MDGA2: variants seen among roughly 807,000 people sequenced by gnomAD.
The protein encoded by MDGA2 is MAM domain containing glycosylphosphatidylinositol anchor 2.
In MDGA2, 40 loss-of-function variants were observed where a neutral mutation model predicts 117.8. That is an observed-to-expected ratio of 0.34 (90% CI 0.26 to 0.44). The LOEUF (loss-of-function observed/expected upper bound fraction) is 0.44, where lower values mean the gene tolerates loss of function less well. Among genes scored for constraint, MDGA2 ranks in the 20% least tolerant of loss-of-function variants. The pLI is 1.00. For missense variants in MDGA2, 1,123 were observed against 1,250.6 expected (o/e 0.90, Z 1.54); for synonymous variants, 452 against 439.0 (o/e 1.03, Z -0.37).
intron 8 of MDGA2, among the ~76,000 whole-genome samples, chr14:46,983,250 G>A (rs1034520089): frequency 3.9e-5 from 6 of 152,026 alleles, no homozygotes; most frequent in Non-Finnish European, 7.4e-5. Context: ...AACTGTTTTT[G>A]GCAAATAATC....
intron 1 of MDGA2, among the ~76,000 whole-genome samples, chr14:47,493,987 G>A (rs1445948739): frequency 6.6e-6 from 1 of 152,108 alleles, no homozygotes; most frequent in Non-Finnish European, 1.5e-5. Context: ...TAGGTCATAA[G>A]GTTGGTTCCC....
At chr14:47,650,700 A>C (rs986875302) in intron 1 of MDGA2, among the ~76,000 whole-genome samples, 2 of 152,244 alleles carry the variant, frequency 1.3e-5, no homozygotes, top group Admixed American at 1.3e-4. Flanking sequence ...GGAAAAATGC[A>C]TAAATGAATG....
intron 4 of MDGA2, among the ~76,000 whole-genome samples, chr14:47,137,310 T>C (rs1352341350): frequency 2.0e-5 from 3 of 152,032 alleles, no homozygotes; most frequent in African/African-American, 7.2e-5. Context: ...TAGGAGAAGG[T>C]GCTATAGTTT....
chr14:47,386,327 T>C (rs2138428126), intron 1 of MDGA2, among the ~76,000 whole-genome samples: 1 of 152,258 alleles, frequency 6.6e-6, no homozygotes, highest in East Asian at 1.9e-4. Flanking sequence ...ATTTATAATC[T>C]TTTCAATGAT....
chr14:47,666,944 C>T (rs1055051096), intron 1 of MDGA2, among the ~76,000 whole-genome samples: 23 of 152,222 alleles, frequency 1.5e-4, no homozygotes, highest in African/African-American at 5.5e-4. Flanking sequence ...AGCTTCACTC[C>T]TGAGCCAGCG....
chr14:47,660,159 C>A (rs1566563168), intron 1 of MDGA2, among the ~76,000 whole-genome samples: 1 of 152,214 alleles, frequency 6.6e-6, no homozygotes. Flanking sequence ...GGGCAGTGCT[C>A]TTGCAGCCAG....
intron 3 of MDGA2, among the ~76,000 whole-genome samples, chr14:47,157,259 C>A (rs1053632848): frequency 1.3e-5 from 2 of 152,178 alleles, no homozygotes; most frequent in African/African-American, 4.8e-5. Context: ...CCAACTTCCT[C>A]AAATGGGACA....
chr14:47,247,526 C>T lies in MDGA2; in HGVS notation c.421-29331G>A, dbSNP rs941688363. The stretch of plus-strand genomic sequence containing the variant: ...CCATGTTGGTCAGGCTGGTCTCGAA[C>T]TCCTGACCTCAAATGATCTGCCCAC... On this transcript the variant is annotated intron_variant, in intron 2 of 16. Transcript: ENST00000399232. Among the ~76,000 whole-genome samples, 14 of 151,652 alleles carry T rather than the reference C, an allele frequency of 9.2e-5. No homozygotes were observed. In the East Asian group the frequency reaches 2.5e-3, roughly 27 times the overall value.
chr14:47,622,619 G>A (rs75487071), intron 1 of MDGA2, among the ~76,000 whole-genome samples: 17 of 151,856 alleles, frequency 1.1e-4, no homozygotes, highest in African/African-American at 3.9e-4. Flanking sequence ...GGTGGGGGAC[G>A]AAAGCTGATC....
At chr14:46,989,850 A>C (rs1887016283) in intron 8 of MDGA2, among the ~76,000 whole-genome samples, 2 of 152,088 alleles carry the variant, frequency 1.3e-5, no homozygotes, top group Non-Finnish European at 2.9e-5. Context: ...TGAAAGAACA[A>C]TAGAGGAGGC....
At position 47,248,853 on chromosome 14, in the gene MDGA2, GA is replaced by G. The variant is rs1421571571; in HGVS notation, c.421-30659del. On this transcript the variant is annotated intron_variant, in intron 2 of 16. Transcript: ENST00000399232. ...CAATTAATGCTGCTATAAGAACTCA[GA>G]AAAAAATTAGTATATTTGGTGATAT... Among the ~76,000 whole-genome samples, 4 of 152,058 alleles carry G rather than the reference GA, an allele frequency of 2.6e-5. No individual in the cohort carries two copies. The South Asian group carries it at 6.2e-4, about 24-fold the overall frequency.
At chr14:47,658,734 A>C (rs183350654) in intron 1 of MDGA2, among the ~76,000 whole-genome samples, 3 of 152,314 alleles carry the variant, frequency 2.0e-5, no homozygotes, top group African/African-American at 7.2e-5. Context: ...TTCCTCCCAG[A>C]ATTTGCCTTC....
chr14:47,343,044 C>G (rs183611277), intron 1 of MDGA2: 3 of 1,284,820 alleles, frequency 2.3e-6, no homozygotes, highest in Non-Finnish European at 3.0e-6. Context: ...GCAGCACTAC[C>G]GTGAGTCCTG....
chr14:47,321,110 G>T (rs968168664), intron 1 of MDGA2, among the ~76,000 whole-genome samples: 1 of 152,174 alleles, frequency 6.6e-6, no homozygotes, highest in Non-Finnish European at 1.5e-5. Flanking sequence ...AAGGCAGACA[G>T]AGTAGATTGT....
chr14:47,622,703 A>G (rs945337945), intron 1 of MDGA2, among the ~76,000 whole-genome samples: 4 of 152,184 alleles, frequency 2.6e-5, no homozygotes, highest in African/African-American at 9.7e-5. Flanking sequence ...GGATGCGGAA[A>G]TCTTCTAGGT....
chr14:46,936,353 C>T (rs1040977072), intron 9 of MDGA2, among the ~76,000 whole-genome samples: 1 of 152,018 alleles, frequency 6.6e-6, no homozygotes, highest in African/African-American at 2.4e-5. Flanking sequence ...TGAGGAACTG[C>T]TATTTTTCAC....
At chr14:47,348,455 G>A (rs888684771) in intron 1 of MDGA2, among the ~76,000 whole-genome samples, 11 of 152,108 alleles carry the variant, frequency 7.2e-5, no homozygotes, top group African/African-American at 2.4e-4. Context: ...CAGGTGATCC[G>A]CCCACCTCAG....
chr14:46,957,839 A>AT (rs920196249), intron 8 of MDGA2, among the ~76,000 whole-genome samples, 196 bp from the exon 9 acceptor site: 2 of 152,156 alleles, frequency 1.3e-5, no homozygotes, highest in African/African-American at 4.8e-5. Flanking sequence ...TAGGAAGTAA[A>AT]TGAGCCTCCT....
At chr14:47,581,793 C>A (rs970336932) in intron 1 of MDGA2, among the ~76,000 whole-genome samples, 1 of 151,890 alleles carries the variant, frequency 6.6e-6, no homozygotes, top group African/African-American at 2.4e-5. Flanking sequence ...AAATGTTTAC[C>A]ATTATAAGTC....
Sources: gnomAD v4.1 joint callset for allele counts (sites outside exome capture counted in the v4.1 genomes callset) on GRCh38, gnomAD v4.1.1 for gene constraint, MANE v1.5 for transcripts, NCBI Gene and HGNC (gene_info 2026-07-23, HGNC 2026-07-21) for gene names.